The following GALNT17 variants were observed in gnomAD, a reference collection of about 807,000 sequenced individuals.
GALNT17 encodes the protein polypeptide N-acetylgalactosaminyltransferase 17, also known as UDP-GalNAc:polypeptide N-acetylgalactosaminyltransferase-like 3.
A neutral mutation model predicts 63.7 loss-of-function variants in GALNT17; 29 were observed. The ratio of observed to expected loss-of-function variants is 0.46; its 90% CI spans 0.34 to 0.62. The LOEUF is 0.62. Ranked by LOEUF, GALNT17 falls within the 20% of genes least tolerant of loss-of-function variation. The pLI is 0.01. For synonymous variants in GALNT17, 305 were observed against 318.3 expected, an observed-to-expected ratio of 0.96 and a Z score of 0.45; for missense variants, 603 against 799.6, an observed-to-expected ratio of 0.75 and a Z score of 2.97.
intron 1 of GALNT17, among the ~76,000 whole-genome samples, chr7:71,221,095 C>G (rs994019640): frequency 2.6e-5 from 4 of 152,114 alleles, no homozygotes; most frequent in African/African-American, 9.7e-5. Flanking sequence ...TTTCATGGAA[C>G]TTTCCTTTGC....
At chr7:71,691,896 CT>C (rs1353865839) in intron 9 of GALNT17, among the ~76,000 whole-genome samples, 17 of 150,072 alleles carry the variant, frequency 1.1e-4, no homozygotes, top group Admixed American at 2.0e-4. Context: ...TTCTTCCTTC[CT>C]TTCTCTCTTT....
intron 1 of GALNT17, among the ~76,000 whole-genome samples, chr7:71,214,817 A>G (rs1031190042): frequency 1.7e-4 from 26 of 152,226 alleles, no homozygotes; most frequent in African/African-American, 5.1e-4. Context: ...ACCTCAGGCA[A>G]TCCACCTGCC....
intron 6 of GALNT17, among the ~76,000 whole-genome samples, chr7:71,617,554 T>G (rs1790231062): frequency 6.6e-6 from 1 of 152,132 alleles, no homozygotes; most frequent in Non-Finnish European, 1.5e-5. Flanking sequence ...TCTCTTGACC[T>G]CGTGATCCAC....
intron 5 of GALNT17, among the ~76,000 whole-genome samples, chr7:71,570,947 C>T (rs1789430651): frequency 6.6e-6 from 1 of 152,116 alleles, no homozygotes; most frequent in Admixed American, 6.5e-5. Flanking sequence ...CATTGCACTC[C>T]AGCCTGGGCA....
At chr7:71,410,299 G>A (rs1012890040) in intron 3 of GALNT17, among the ~76,000 whole-genome samples, 1 of 149,542 alleles carries the variant, frequency 6.7e-6, no homozygotes, top group Admixed American at 6.7e-5. Flanking sequence ...AGGCTATAGT[G>A]CAGTGGCATG....
intron 1 of GALNT17, among the ~76,000 whole-genome samples, chr7:71,161,342 A>C (rs568488756): frequency 6.6e-6 from 1 of 152,124 alleles, no homozygotes; most frequent in African/African-American, 2.4e-5. Flanking sequence ...AATATCATTT[A>C]TTTGCATTTG....
At chr7:71,366,579 C>CA (rs1792514498) in intron 2 of GALNT17, among the ~76,000 whole-genome samples, 1 of 107,724 alleles carries the variant, frequency 9.3e-6, no homozygotes, top group Non-Finnish European at 1.9e-5. Context: ...GACTCTGTCT[C>CA]AAACAAACAA....
intron 2 of GALNT17, among the ~76,000 whole-genome samples, chr7:71,367,722 G>T (rs1177555106): frequency 6.6e-6 from 1 of 152,110 alleles, no homozygotes; most frequent in African/African-American, 2.4e-5. Flanking sequence ...TTCTATTTGG[G>T]GCTCTTCCTA....
chr7:71,709,294 C>T lies in GALNT17; in HGVS notation c.1501-1467C>T, dbSNP rs780583370. ...GGTATCTCATTGTGGTTTTGATTTGCATGTGTCTGATGATTAGTGATGATG... is the reference window on the plus strand; with the variant it reads ...GGTATCTCATTGTGGTTTTGATTTGTATGTGTCTGATGATTAGTGATGATG... On this transcript the variant is annotated intron_variant, in intron 9 of 10. Transcript: ENST00000333538. 5.5e-4 allele frequency among the ~76,000 whole-genome samples: 83 copies of T among 152,102 alleles called. 1 individual carries two copies. The highest frequency in any genetic ancestry group is 1.0e-3 in the Non-Finnish European group (71 of 68,030).
At chr7:71,574,590 C>G (rs1353880649) in intron 6 of GALNT17, among the ~76,000 whole-genome samples, 1 of 152,190 alleles carries the variant, frequency 6.6e-6, no homozygotes, top group African/African-American at 2.4e-5. Flanking sequence ...TTGAGTGCTG[C>G]TGGTTGCAGA....
intron 5 of GALNT17, among the ~76,000 whole-genome samples, chr7:71,425,433 A>G (rs184664259): frequency 6.6e-6 from 1 of 152,204 alleles, no homozygotes; most frequent in African/African-American, 2.4e-5. Flanking sequence ...CATGTTGACC[A>G]GGCTGGTCTT....
intron 1 of GALNT17, among the ~76,000 whole-genome samples, chr7:71,334,266 T>C (rs989268617): frequency 5.3e-5 from 8 of 152,182 alleles, no homozygotes; most frequent in Admixed American, 5.2e-4. Flanking sequence ...TGGGGAACCG[T>C]CTCACTACCG....
intron 5 of GALNT17, among the ~76,000 whole-genome samples, chr7:71,548,078 T>G (rs7800304): frequency 6.6e-6 from 1 of 151,118 alleles, no homozygotes; most frequent in East Asian, 2.0e-4. Context: ...AAATAAAAAA[T>G]TTTTTTTTTT....
intron 5 of GALNT17, among the ~76,000 whole-genome samples, chr7:71,536,521 C>G (rs1183828065): frequency 6.6e-6 from 1 of 152,130 alleles, no homozygotes; most frequent in African/African-American, 2.4e-5. Flanking sequence ...AGGTGAAAGG[C>G]ACTTCTTACA....
At chr7:71,681,962 T>C (rs1365545336) in intron 9 of GALNT17, among the ~76,000 whole-genome samples, 2 of 152,308 alleles carry the variant, frequency 1.3e-5, no homozygotes, top group East Asian at 3.9e-4. Context: ...AGTCTCGCTC[T>C]GTCACCCAGG....
At chr7:71,429,123 T>C (rs915123205) in intron 5 of GALNT17, among the ~76,000 whole-genome samples, 1 of 152,196 alleles carries the variant, frequency 6.6e-6, no homozygotes, top group African/African-American at 2.4e-5. Flanking sequence ...GCATCTATTG[T>C]CAGAATGTCT....
chr7:71,200,992 T>C (rs949535934), intron 1 of GALNT17, among the ~76,000 whole-genome samples: 3 of 151,956 alleles, frequency 2.0e-5, no homozygotes, highest in Non-Finnish European at 4.4e-5. Context: ...AGTCAGACTT[T>C]CTTCCCAAAG....
chr7:71,298,713 T>G (rs10258733), intron 1 of GALNT17, among the ~76,000 whole-genome samples: 66 of 2,624 alleles, frequency 0.025, no homozygotes, highest in South Asian at 0.12. Context: ...TCCAGTGGGG[T>G]GTGTGTGTGT....
At chr7:71,309,701 C>A (rs948595880) in intron 1 of GALNT17, among the ~76,000 whole-genome samples, 1 of 151,912 alleles carries the variant, frequency 6.6e-6, no homozygotes, top group African/African-American at 2.4e-5. Flanking sequence ...TAAGGAATTC[C>A]CATAATAAAG....
Sources: allele counts gnomAD v4.1 joint callset (sites outside exome capture counted in the v4.1 genomes callset), GRCh38; gene constraint gnomAD v4.1.1; transcripts MANE v1.5; gene names NCBI Gene and HGNC (gene_info 2026-07-23, HGNC 2026-07-21).